The following GAS2 variants were observed in gnomAD, a reference collection of about 807,000 sequenced individuals.
GAS2 encodes growth arrest specific 2, also known as growth arrest-specific protein 2.
A neutral mutation model predicts 37.5 loss-of-function variants in GAS2; 20 were observed. The ratio of observed to expected loss-of-function variants is 0.53; its 90% CI spans 0.37 to 0.77. The LOEUF (loss-of-function observed/expected upper bound fraction) is 0.77, where lower values mean the gene tolerates loss of function less well. Ranked by LOEUF, GAS2 falls within the 30% of genes least tolerant of loss-of-function variation. GAS2 has a pLI of 0.00. For synonymous variants in GAS2, 144 were observed against 132.2 expected (o/e 1.09, Z -0.61); for missense variants, 336 against 373.4 (o/e 0.90, Z 0.82).
At chr11:22,726,525 G>A in intron 4 of GAS2, 92 bp downstream of exon 4, 1 of 1,053,800 alleles carries the variant, frequency 9.5e-7, no homozygotes, top group Non-Finnish European at 1.4e-6. Flanking sequence ...TTTGTATGAT[G>A]TCATTTTGCA....
At chr11:22,787,731 G>A (rs192704544) in intron 7 of GAS2, among the ~76,000 whole-genome samples, 1 of 152,208 alleles carries the variant, frequency 6.6e-6, no homozygotes, top group East Asian at 1.9e-4. Flanking sequence ...ATTTTTATTC[G>A]GGGACAAACC....
chr11:22,633,176 G>T (rs145163138), intron 1 of GAS2, among the ~76,000 whole-genome samples: 1 of 151,968 alleles, frequency 6.6e-6, no homozygotes, highest in Non-Finnish European at 1.5e-5. Flanking sequence ...TTCTCATTTG[G>T]GTAGACCATT....
At chr11:22,802,995 C>T (rs1414454347) in intron 7 of GAS2, among the ~76,000 whole-genome samples, 1 of 152,072 alleles carries the variant, frequency 6.6e-6, no homozygotes, top group African/African-American at 2.4e-5. Flanking sequence ...TGTGCCATCT[C>T]GTTTTGTGTA....
upstream of GAS2, among the ~76,000 whole-genome samples, chr11:22,666,384 A>G (rs1274851787): frequency 6.6e-6 from 1 of 152,206 alleles, no homozygotes; most frequent in African/African-American, 2.4e-5. Flanking sequence ...TCCAACACCC[A>G]ATTTTAATAT....
At chr11:22,765,287 A>G (rs1025735082) in intron 7 of GAS2, among the ~76,000 whole-genome samples, 1 of 152,204 alleles carries the variant, frequency 6.6e-6, no homozygotes, top group African/African-American at 2.4e-5. Context: ...GTGTATAGTG[A>G]AAAGCAACAA....
chr11:22,652,421 G>C (rs1848789976), intron 1 of GAS2, among the ~76,000 whole-genome samples: 1 of 152,220 alleles, frequency 6.6e-6, no homozygotes, highest in South Asian at 2.1e-4. Context: ...GAGGCAGGCA[G>C]GCCTCCTTGA....
At chr11:22,648,656 A>C (rs1360316135) in intron 1 of GAS2, among the ~76,000 whole-genome samples, 1 of 152,188 alleles carries the variant, frequency 6.6e-6, no homozygotes, top group South Asian at 2.1e-4. Context: ...TGTAGGTTGG[A>C]TTCCTAGGTA....
intron 3 of GAS2, among the ~76,000 whole-genome samples, chr11:22,692,890 C>T (rs1850317695): frequency 6.6e-6 from 1 of 152,086 alleles, no homozygotes; most frequent in Non-Finnish European, 1.5e-5. Flanking sequence ...CATCAGACAA[C>T]AAGAACAAGC....
At chr11:22,687,552 A>G (rs1247779433) in intron 3 of GAS2, among the ~76,000 whole-genome samples, 1 of 152,208 alleles carries the variant, frequency 6.6e-6, no homozygotes, top group Non-Finnish European at 1.5e-5. Context: ...TAAGTGACCA[A>G]GCAAGAATTT....
At chr11:22,678,914 T>A (rs945203951) in intron 2 of GAS2, among the ~76,000 whole-genome samples, 1 of 152,036 alleles carries the variant, frequency 6.6e-6, no homozygotes, top group Non-Finnish European at 1.5e-5. Flanking sequence ...AATATCATTT[T>A]AAATTCCTAG....
chr11:22,647,914 G>A (rs1174361605), intron 1 of GAS2, among the ~76,000 whole-genome samples: 1 of 152,136 alleles, frequency 6.6e-6, no homozygotes, highest in East Asian at 1.9e-4. Context: ...CTGTGCAGAA[G>A]CTCTTGAGTT....
At chr11:22,727,854 G>A (rs1443986741) in intron 4 of GAS2, among the ~76,000 whole-genome samples, 1 of 151,936 alleles carries the variant, frequency 6.6e-6, no homozygotes, top group Non-Finnish European at 1.5e-5. Context: ...TGCGAGTGGA[G>A]GATTATAGGA....
chr11:22,704,643 A>T (rs1229262051), intron 3 of GAS2, among the ~76,000 whole-genome samples: 1 of 133,884 alleles, frequency 7.5e-6, no homozygotes, highest in Admixed American at 7.7e-5. Context: ...TCTCAAATTC[A>T]TGATTCTCCC....
intron 3 of GAS2, among the ~76,000 whole-genome samples, chr11:22,695,574 T>C (rs1628924): frequency 0.2 from 29,859 of 151,942 alleles, 3,143 homozygotes; most frequent in East Asian, 0.36. Flanking sequence ...CCTTCTCATC[T>C]GAGACCAGGA....
At chr11:22,780,175 TA>T (rs1855480900) in intron 7 of GAS2, among the ~76,000 whole-genome samples, 2 of 152,052 alleles carry the variant, frequency 1.3e-5, no homozygotes, top group Admixed American at 6.6e-5. Context: ...CTCTGAAAAA[TA>T]GAAAAGTAAT....
Position 22,650,796 on chromosome 11 carries a change from T to G in GAS2, c.-20-24054T>G, listed in dbSNP as rs1022460112. Among the ~76,000 whole-genome samples the G allele has an allele frequency of 9.3e-4, 141 of 152,296 alleles. 1 individual carries two copies. The East Asian group carries it at 0.021, about 22-fold the overall frequency. ...GTAGATCTTCCTCCATCCTTTTATTTTGAGCCTATGTGTGTCTCTGCCCGT... is the reference window on the plus strand; with the variant it reads ...GTAGATCTTCCTCCATCCTTTTATTGTGAGCCTATGTGTGTCTCTGCCCGT... On this transcript the variant is annotated intron_variant, in intron 1 of 5. Transcript: ENST00000528582.
intron 7 of GAS2, among the ~76,000 whole-genome samples, chr11:22,808,547 A>G (rs555806984): frequency 6.6e-6 from 1 of 152,368 alleles, no homozygotes; most frequent in East Asian, 1.9e-4. Flanking sequence ...CTAAATGGCC[A>G]GCATACTCCA....
At chr11:22,673,630 G>A (rs960157082) in intron 1 of GAS2, among the ~76,000 whole-genome samples, 1 of 152,108 alleles carries the variant, frequency 6.6e-6, no homozygotes, top group Non-Finnish European at 1.5e-5. Context: ...TTCTGTCCGG[G>A]CATGGTGGCT....
At chr11:22,653,072 TTCTC>T (rs745482440) in intron 1 of GAS2, among the ~76,000 whole-genome samples, 17 of 119,426 alleles carry the variant, frequency 1.4e-4, no homozygotes, top group Non-Finnish European at 2.6e-4. Flanking sequence ...CTTTTTTGCT[TTCTC>T]TCTCTCTCCT....
Sources: gnomAD v4.1 joint callset for allele counts (sites outside exome capture counted in the v4.1 genomes callset) on GRCh38, gnomAD v4.1.1 for gene constraint, MANE v1.5 for transcripts, NCBI Gene and HGNC (gene_info 2026-07-23, HGNC 2026-07-21) for gene names.